IQUB: variants seen among roughly 807,000 people sequenced by gnomAD.
IQUB encodes IQ motif and ubiquitin-like domain-containing protein.
A neutral mutation model predicts 86.4 loss-of-function variants in IQUB; 86 were observed. The observed-to-expected ratio is 1.00, with a 90% CI of 0.84 to 1.19. IQUB has a LOEUF of 1.19. IQUB is among the 50% of genes most tolerant of loss of function. The pLI is 0.00. For synonymous variants in IQUB, 289 were observed against 304.5 expected, an observed-to-expected ratio of 0.95 and a Z score of 0.53; for missense variants, 946 against 916.9, an observed-to-expected ratio of 1.03 and a Z score of -0.41.
At chr7:123,454,313 A>AAAT (rs1264093510) in intron 12 of IQUB, among the ~76,000 whole-genome samples, 1 of 152,102 alleles carries the variant, frequency 6.6e-6, no homozygotes, top group Non-Finnish European at 1.5e-5. Flanking sequence ...AAGATGAGAT[A>AAAT]AATTATGATA....
At chr7:123,506,721 T>C (rs1269992546) in intron 3 of IQUB, among the ~76,000 whole-genome samples, 1 of 152,150 alleles carries the variant, frequency 6.6e-6, no homozygotes, top group Non-Finnish European at 1.5e-5. Flanking sequence ...GAGATTTGGG[T>C]GGGGACACAA....
intron 8 of IQUB, among the ~76,000 whole-genome samples, chr7:123,474,244 T>C (rs1341263789): frequency 1.3e-5 from 2 of 152,230 alleles, no homozygotes; most frequent in Admixed American, 1.3e-4. Context: ...ATCTGTATAT[T>C]GTGGTGTTAA....
At chr7:123,480,080 C>T in intron 7 of IQUB, 110 bp from the exon 8 acceptor site, 1 of 762,000 alleles carries the variant, frequency 1.3e-6, no homozygotes, top group East Asian at 2.8e-5. Flanking sequence ...AAAGTATACA[C>T]AGATAGAATC....
chr7:123,469,045 G>T (rs1392068708), intron 9 of IQUB, among the ~76,000 whole-genome samples, 169 bp downstream of exon 9: 3 of 151,988 alleles, frequency 2.0e-5, no homozygotes, highest in Non-Finnish European at 4.4e-5. Flanking sequence ...CATTTATTAT[G>T]TATTATATTT....
At chr7:123,479,685 TA>T in intron 8 of IQUB, 109 bp downstream of exon 8, 1 of 796,388 alleles carries the variant, frequency 1.3e-6, no homozygotes, top group Non-Finnish European at 2.0e-6. Flanking sequence ...ATCAAAATCC[TA>T]AACAAAATTC....
intron 6 of IQUB, among the ~76,000 whole-genome samples, chr7:123,497,782 A>G (rs927077884): frequency 1.3e-5 from 2 of 150,548 alleles, no homozygotes; most frequent in Non-Finnish European, 3.0e-5. Flanking sequence ...GGGTCCCCCA[A>G]AAGAATAGAA....
At chr7:123,467,042 T>C (rs1269551387) in intron 9 of IQUB, among the ~76,000 whole-genome samples, 1 of 152,000 alleles carries the variant, frequency 6.6e-6, no homozygotes, top group African/African-American at 2.4e-5. Context: ...CCAAATACTT[T>C]TTACCTGTAT....
chr7:123,453,873 A>G (rs922855158), intron 12 of IQUB, among the ~76,000 whole-genome samples: 1 of 152,186 alleles, frequency 6.6e-6, no homozygotes, highest in Non-Finnish European at 1.5e-5. Context: ...GGCACATTCA[A>G]AAGTAAATTC....
intron 1 of IQUB, among the ~76,000 whole-genome samples, chr7:123,531,640 G>A (rs115210514): frequency 0.015 from 2,347 of 152,240 alleles, 25 homozygotes; most frequent in Middle Eastern, 0.044. Context: ...TCCACTGACC[G>A]TCAGGTACTG....
intron 12 of IQUB, chr7:123,456,902 T>TA (rs1272374398): frequency 6.5e-6 from 1 of 153,448 alleles, no homozygotes; most frequent in Non-Finnish European, 1.4e-5. Context: ...AGCACAAAAT[T>TA]ATGAACAAAA....
chr7:123,464,363 A>T (rs1399311651), intron 10 of IQUB, among the ~76,000 whole-genome samples: 1 of 151,908 alleles, frequency 6.6e-6, no homozygotes, highest in Non-Finnish European at 1.5e-5. Flanking sequence ...TAACTTTGTG[A>T]TAAGTGTTAT....
chr7:123,529,090 G>C (rs965201558), intron 1 of IQUB, among the ~76,000 whole-genome samples: 3 of 151,964 alleles, frequency 2.0e-5, no homozygotes, highest in Non-Finnish European at 4.4e-5. Flanking sequence ...GTTTTTAAGA[G>C]AGTAATATGT....
At chr7:123,470,719 C>T (rs1351283067) in intron 8 of IQUB, among the ~76,000 whole-genome samples, 2 of 151,942 alleles carry the variant, frequency 1.3e-5, no homozygotes, top group African/African-American at 2.4e-5. Flanking sequence ...GGCGTGGTGA[C>T]GGACACCTGT....
intron 1 of IQUB, among the ~76,000 whole-genome samples, chr7:123,521,504 T>C (rs147198928): frequency 2.6e-5 from 4 of 152,084 alleles, no homozygotes; most frequent in African/African-American, 7.2e-5. Context: ...TAGCCGGGCA[T>C]TGTATTGTGG....
At chr7:123,484,235 A>G (rs758792074) in intron 7 of IQUB, among the ~76,000 whole-genome samples, 13 of 152,058 alleles carry the variant, frequency 8.5e-5, no homozygotes, top group African/African-American at 1.9e-4. Context: ...TAGCAAAAAG[A>G]TTGTAAATTT....
chr7:123,458,673 G>A (rs1563425916), intron 11 of IQUB, among the ~76,000 whole-genome samples: 1 of 151,854 alleles, frequency 6.6e-6, no homozygotes, highest in Non-Finnish European at 1.5e-5. Flanking sequence ...TTTTGAAATT[G>A]TATCATACAG....
In IQUB at chr7:123,483,168, A is replaced by C. The variant is rs191931382; in HGVS notation, c.1235-3198T>G. ...ACTTCCACAAGCAGGATGCTCGTGG[A>C]TTCCTCCCCATAGACAGTAGGCTTC... is the stretch of plus-strand genomic sequence containing the variant. On this transcript the variant is annotated intron_variant, in intron 7 of 12. Coordinates refer to ENST00000324698, the MANE Select transcript of IQUB (RefSeq NM_178827.5). Among the ~76,000 whole-genome samples, 10 of 152,174 alleles carry C rather than the reference A, an allele frequency of 6.6e-5. No individual in the cohort carries two copies. The East Asian group carries it at 1.9e-3, about 29-fold the overall frequency.
chr7:123,530,811 A>G (rs11979281), intron 1 of IQUB, among the ~76,000 whole-genome samples: 119,682 of 151,302 alleles, frequency 0.79, 47,370 homozygotes, highest in Non-Finnish European at 0.8. Context: ...CCAGTAGCTC[A>G]GATTATAGGC....
At chr7:123,519,427 A>T (rs1015116098) in intron 1 of IQUB, among the ~76,000 whole-genome samples, 3 of 152,236 alleles carry the variant, frequency 2.0e-5, no homozygotes, top group Non-Finnish European at 2.9e-5. Flanking sequence ...AAAGAAAGAA[A>T]ATGTGGCATG....
Sources: allele counts gnomAD v4.1 joint callset (sites outside exome capture counted in the v4.1 genomes callset), GRCh38; gene constraint gnomAD v4.1.1; transcripts MANE v1.5; gene names NCBI Gene and HGNC (gene_info 2026-07-23, HGNC 2026-07-21).